Variants in XKR4 observed in about 807,000 individuals in gnomAD.
XKR4 encodes XK-related protein 4.
A neutral mutation model predicts 53.9 loss-of-function variants in XKR4; 12 were observed. The observed-to-expected ratio is 0.22, with a 90% CI of 0.14 to 0.36. The LOEUF (loss-of-function observed/expected upper bound fraction) is 0.36, where lower values mean the gene tolerates loss of function less well. Ranked by LOEUF, XKR4 falls within the 10% of genes least tolerant of loss-of-function variation. The pLI is 1.00. For missense variants in XKR4, 799 were observed against 859.5 expected (o/e 0.93, Z 0.88); for synonymous variants, 354 against 362.4 (o/e 0.98, Z 0.26).
At chr8:55,430,778 C>T (rs896122941) in intron 2 of XKR4, among the ~76,000 whole-genome samples, 3 of 152,156 alleles carry the variant, frequency 2.0e-5, no homozygotes, top group African/African-American at 7.2e-5. Flanking sequence ...CTCTCCTTGG[C>T]TTGTAGCTGC....
In XKR4 at chr8:55,223,355, A is replaced by C. The variant is rs79875124; in HGVS notation, c.806+120061A>C. 8.7e-3 allele frequency among the ~76,000 whole-genome samples: 1,321 copies of C among 152,314 alleles called. 14 individuals carry two copies. Among genetic ancestry groups the C allele is most frequent in the Middle Eastern group, 0.031 (9 of 294 alleles). ...TTATTCTGAATCTATTTATCCAAAA[A>C]TTAGTTAATATCCTGTTTTGTGTTC... On this transcript the variant is annotated intron_variant, in intron 1 of 2. Transcript: ENST00000327381.
At chr8:55,135,841 G>A (rs1057175694) in intron 1 of XKR4, among the ~76,000 whole-genome samples, 8 of 151,738 alleles carry the variant, frequency 5.3e-5, no homozygotes, top group African/African-American at 1.9e-4. Flanking sequence ...AGAAAACATT[G>A]GATATAAATA....
At chr8:55,103,893 A>C (rs912587004) in intron 1 of XKR4, among the ~76,000 whole-genome samples, 8 of 124,270 alleles carry the variant, frequency 6.4e-5, no homozygotes, top group South Asian at 2.6e-4. Context: ...ATATATATAT[A>C]TCCCCGAGCA....
At chr8:55,510,575 C>T (rs1162035959) in intron 2 of XKR4, among the ~76,000 whole-genome samples, 1 of 152,126 alleles carries the variant, frequency 6.6e-6, no homozygotes, top group Non-Finnish European at 1.5e-5. Flanking sequence ...GAGGAGTCCA[C>T]TCTCCCAAAG....
chr8:55,413,566 A>G (rs1483245616), intron 2 of XKR4, among the ~76,000 whole-genome samples: 1 of 152,182 alleles, frequency 6.6e-6, no homozygotes, highest in Non-Finnish European at 1.5e-5. Flanking sequence ...GTTTCTTTCT[A>G]TTATTACTTC....
intron 2 of XKR4, among the ~76,000 whole-genome samples, chr8:55,456,943 G>A (rs1805578437): frequency 6.6e-6 from 1 of 151,566 alleles, no homozygotes; most frequent in Admixed American, 6.6e-5. Context: ...ACCTCAAATA[G>A]GATAAACATA....
chr8:55,342,332 A>G (rs1007462862), intron 1 of XKR4, among the ~76,000 whole-genome samples: 2 of 152,026 alleles, frequency 1.3e-5, no homozygotes, highest in African/African-American at 4.8e-5. Flanking sequence ...AACAACCATC[A>G]TCACTTGCCA....
At chr8:55,204,016 G>A (rs527882026) in intron 1 of XKR4, among the ~76,000 whole-genome samples, 1 of 151,992 alleles carries the variant, frequency 6.6e-6, no homozygotes, top group Non-Finnish European at 1.5e-5. Context: ...TTTGTTTTTT[G>A]TTTGTTCGTT....
chr8:55,307,479 C>CT (rs1819320554), intron 1 of XKR4, among the ~76,000 whole-genome samples: 1 of 152,066 alleles, frequency 6.6e-6, no homozygotes, highest in South Asian at 2.1e-4. Flanking sequence ...TAGGGAGACA[C>CT]TATCTTTACA....
Position 55,278,552 on chromosome 8 carries a change from C to T in XKR4, c.807-79126C>T, listed in dbSNP as rs937651673. ...CTAATTTCAGTTTATAAAAACTTCA[C>T]TTGACTGAGGAAGTACCAACTGGAA... On this transcript the variant is annotated intron_variant, in intron 1 of 2. Coordinates refer to ENST00000327381, the MANE Select transcript of XKR4 (RefSeq NM_052898.2). 1.1e-3 allele frequency among the ~76,000 whole-genome samples: 170 copies of T among 152,122 alleles called. 2 individuals carry two copies. The highest frequency in any genetic ancestry group is 0.011 in the Admixed American group (169 of 15,274).
intron 1 of XKR4, among the ~76,000 whole-genome samples, chr8:55,131,606 C>G (rs775211669): frequency 2.6e-5 from 4 of 152,184 alleles, no homozygotes; most frequent in Non-Finnish European, 5.9e-5. Context: ...ATCCCCTGAA[C>G]TGAGTGGAGT....
intron 2 of XKR4, among the ~76,000 whole-genome samples, chr8:55,481,985 T>G (rs1287202275): frequency 6.6e-6 from 1 of 152,222 alleles, no homozygotes; most frequent in African/African-American, 2.4e-5. Context: ...GAAGTCAGTG[T>G]GGCGATTCCT....
chr8:55,527,978 A>G lies in XKR4; in HGVS notation c.*3751A>G, dbSNP rs1806900538. 1 of 152,140 alleles carries G rather than the reference A, an allele frequency of 6.6e-6. No homozygotes were observed. Among genetic ancestry groups the G allele is most frequent in the African/African-American group, 2.4e-5 (1 of 41,398 alleles). The allele number at this position is 152,140 out of a possible 1,614,324, so 9.4% of individuals were successfully genotyped here. On this transcript the variant is annotated 3_prime_UTR_variant, in exon 3 of 3. Transcript: ENST00000327381. ...TGTTTGTGTACATACATATATGTAT[A>G]TATACGTACCTATATATGTATGTAC...
chr8:55,408,240 T>G (rs1015764498), intron 2 of XKR4, among the ~76,000 whole-genome samples: 2 of 152,224 alleles, frequency 1.3e-5, no homozygotes, highest in Non-Finnish European at 2.9e-5. Context: ...TCATTAATCC[T>G]CCTAACGACC....
intron 2 of XKR4, among the ~76,000 whole-genome samples, chr8:55,479,676 G>C (rs984029328): frequency 6.6e-6 from 1 of 152,000 alleles, no homozygotes; most frequent in South Asian, 2.1e-4. Context: ...GAAGAAAAGA[G>C]AGAAGAATCA....
intron 1 of XKR4, among the ~76,000 whole-genome samples, chr8:55,319,301 G>T (rs928073879): frequency 6.6e-6 from 1 of 152,128 alleles, no homozygotes; most frequent in Admixed American, 6.5e-5. Flanking sequence ...TGCGATTTGT[G>T]GTTCTTTGGT....
rs1008823496 is a variant in XKR4, at chr8:55,284,177, T to C, written c.807-73501T>C. Among the ~76,000 whole-genome samples, 10 of 152,342 alleles carry C rather than the reference T, an allele frequency of 6.6e-5. No individual in the cohort carries two copies. In the South Asian group the frequency reaches 1.0e-3, roughly 16 times the overall value. ...GTTAGGTTTCTTTGTAGGTAATATC[T>C]TCTTATTTCTTATGTGAGAAAATAC... On this transcript the variant is annotated intron_variant, in intron 1 of 2. Transcript: ENST00000327381.
chr8:55,360,031 G>T (rs562673199), intron 2 of XKR4, among the ~76,000 whole-genome samples: 3 of 152,180 alleles, frequency 2.0e-5, no homozygotes, highest in African/African-American at 7.2e-5. Context: ...TCAGAATGGC[G>T]TAGGGAAACT....
intron 2 of XKR4, among the ~76,000 whole-genome samples, chr8:55,359,388 G>GCT (rs1265399379): frequency 1.3e-5 from 2 of 152,158 alleles, no homozygotes; most frequent in Non-Finnish European, 2.9e-5. Flanking sequence ...CTCCCTGACA[G>GCT]CTCTATTCTA....
Sources: allele counts gnomAD v4.1 joint callset (sites outside exome capture counted in the v4.1 genomes callset), GRCh38; gene constraint gnomAD v4.1.1; transcripts MANE v1.5; gene names NCBI Gene and HGNC (gene_info 2026-07-23, HGNC 2026-07-21).